PCDH15: variants seen among roughly 807,000 people sequenced by gnomAD.
The protein encoded by PCDH15 is protocadherin-15.
Under a neutral mutation model 178.5 loss-of-function variants are expected in PCDH15, and 129 were observed. The ratio of observed to expected loss-of-function variants is 0.72; its 90% CI spans 0.63 to 0.84. PCDH15 has a LOEUF of 0.84. Ranked by LOEUF, PCDH15 falls within the 40% of genes least tolerant of loss-of-function variation. The pLI is 0.00. For synonymous variants in PCDH15, 800 were observed against 732.0 expected (o/e 1.09, Z -1.50); for missense variants, 2,230 against 2,099.9 (o/e 1.06, Z -1.21).
In PCDH15 at chr10:53,965,689, AT is replaced by A. The variant is rs1205730668; in HGVS notation, c.2869-3798del. On this transcript the variant is annotated intron_variant, in intron 21 of 37. Transcript: ENST00000644397. ...TCACCTCCAGAACAGGAGGTCAATG[AT>A]GAAAGAGGATAATTATAGCACCAAC... is the stretch of plus-strand genomic sequence containing the variant. 2.0e-5 allele frequency among the ~76,000 whole-genome samples: 3 copies of A among 152,342 alleles called. No individual in the cohort carries two copies. The East Asian group carries it at 5.8e-4, about 29-fold the overall frequency.
chr10:54,416,812 C>T (rs1365249921), intron 3 of PCDH15, among the ~76,000 whole-genome samples: 2 of 152,136 alleles, frequency 1.3e-5, no homozygotes, highest in African/African-American at 4.8e-5. Context: ...TTAATAGTCG[C>T]TATTCTGACT....
chr10:54,704,150 C>A (rs563889487), intron 1 of PCDH15, among the ~76,000 whole-genome samples: 2 of 151,996 alleles, frequency 1.3e-5, no homozygotes, highest in Non-Finnish European at 2.9e-5. Context: ...ACTTTAGAAA[C>A]CCTAGAAGAT....
chr10:53,806,293 C>CTTGT lies in PCDH15; in HGVS notation c.*282_*285dup. 3.6e-6 allele frequency: 1 copy of CTTGT among 281,138 alleles called. No homozygotes were observed. The highest frequency in any genetic ancestry group is 6.6e-6 in the Non-Finnish European group (1 of 151,090). 17.4% of individuals were successfully genotyped at this position (281,138 alleles called of 1,614,324 possible). ...ATAAATGATTATTTAGTAATTATTT[C>CTTGT]TTGTTTATTAAAATGAACAAAAATT... On this transcript the variant is annotated 3_prime_UTR_variant, in exon 38 of 38. Transcript: ENST00000644397.
At chr10:54,714,095 G>A (rs574313833) in intron 1 of PCDH15, among the ~76,000 whole-genome samples, 3 of 152,050 alleles carry the variant, frequency 2.0e-5, no homozygotes, top group South Asian at 2.1e-4. Flanking sequence ...TTTATTCTTC[G>A]GTTATATTTT....
At chr10:55,569,289 C>T (rs1384896275) in intron 2 of PCDH15, among the ~76,000 whole-genome samples, 1 of 151,906 alleles carries the variant, frequency 6.6e-6, no homozygotes, top group Non-Finnish European at 1.5e-5. Flanking sequence ...TCAAAAGTAT[C>T]AAACAAGATG....
At chr10:54,237,538 ATGTCCAGTACTATTTTGT>A (rs2068085329) in intron 8 of PCDH15, among the ~76,000 whole-genome samples, 2 of 152,198 alleles carry the variant, frequency 1.3e-5, no homozygotes, top group South Asian at 4.1e-4. Context: ...TCCCAATTTA[ATGTCCAGTACTATTTTGT>A]TGTGCTATCA....
Position 53,910,764 on chromosome 10 carries a change from T to TA in PCDH15, c.3374-7395dup, listed in dbSNP as rs572599337. 1.1e-4 allele frequency among the ~76,000 whole-genome samples: 17 copies of TA among 152,026 alleles called. No individual in the cohort carries two copies. The South Asian group carries it at 2.5e-3, about 22-fold the overall frequency. ...GCCATCACAAGGAAGCTAAAAACCT[T>TA]AAAAAAAGATTAGACGAATGGCTAA... On this transcript the variant is annotated intron_variant, in intron 25 of 37. Coordinates refer to ENST00000644397, the MANE Select transcript of PCDH15 (RefSeq NM_001384140.1).
intron 2 of PCDH15, among the ~76,000 whole-genome samples, chr10:55,449,375 T>G (rs1839384798): frequency 1.3e-5 from 2 of 152,102 alleles, no homozygotes; most frequent in South Asian, 2.1e-4. Context: ...TGGACAGAAT[T>G]TAACATAACA....
chr10:54,911,128 T>C (rs910576531), intron 2 of PCDH15, among the ~76,000 whole-genome samples: 2 of 152,198 alleles, frequency 1.3e-5, no homozygotes, highest in African/African-American at 4.8e-5. Flanking sequence ...CACTCTTAGT[T>C]TTTCTGGCAG....
intron 27 of PCDH15, among the ~76,000 whole-genome samples, chr10:53,858,347 T>G (rs969003329): frequency 1.3e-5 from 2 of 152,058 alleles, no homozygotes; most frequent in African/African-American, 2.4e-5. Context: ...CTCAAATGCC[T>G]TCAGGAACCA....
At chr10:54,497,448 T>G (rs1211075211) in intron 3 of PCDH15, among the ~76,000 whole-genome samples, 1 of 152,160 alleles carries the variant, frequency 6.6e-6, no homozygotes. Flanking sequence ...CTCATGCAGA[T>G]TGAAATGGCT....
intron 14 of PCDH15, among the ~76,000 whole-genome samples, chr10:54,144,783 T>A (rs968013777): frequency 4.6e-5 from 7 of 152,020 alleles, no homozygotes; most frequent in Admixed American, 6.6e-5. Context: ...AGTCTCATTT[T>A]ACAAAAGAGG....
At chr10:55,190,554 T>G (rs1839920948) in intron 1 of PCDH15, among the ~76,000 whole-genome samples, 1 of 151,726 alleles carries the variant, frequency 6.6e-6, no homozygotes, top group Admixed American at 6.6e-5. Context: ...CCCAATTACA[T>G]TTAGATAAAA....
chr10:53,975,013 T>C (rs2090072117), intron 21 of PCDH15, among the ~76,000 whole-genome samples: 1 of 152,232 alleles, frequency 6.6e-6, no homozygotes, highest in African/African-American at 2.4e-5. Context: ...AGCTCCCACT[T>C]ATAAGTGAAA....
rs192794275 is a variant in PCDH15 at position 54,520,194 on chromosome 10, A to G, written c.157+7618T>C. ...TAAAACACCAAAAGCAATGGCAACA[A>G]AAGCCAAAATTGACAAATAGGATCT... On this transcript the variant is annotated intron_variant, in intron 3 of 37. Coordinates refer to ENST00000644397, the MANE Select transcript of PCDH15 (RefSeq NM_001384140.1). 5.9e-5 allele frequency among the ~76,000 whole-genome samples: 9 copies of G among 152,338 alleles called. No homozygotes were observed. The East Asian group carries it at 7.7e-4, about 13-fold the overall frequency.
chr10:54,310,182 T>G (rs1297583445), intron 8 of PCDH15, among the ~76,000 whole-genome samples: 1 of 152,066 alleles, frequency 6.6e-6, no homozygotes, highest in Admixed American at 6.6e-5. Flanking sequence ...ATAAGTTACT[T>G]TGAATGATAA....
intron 18 of PCDH15, among the ~76,000 whole-genome samples, chr10:54,057,509 C>T (rs1293603633): frequency 6.6e-6 from 1 of 152,206 alleles, no homozygotes; most frequent in African/African-American, 2.4e-5. Flanking sequence ...TTAGCCATGG[C>T]TAGAGTGGCT....
intron 1 of PCDH15, among the ~76,000 whole-genome samples, chr10:55,205,999 A>C (rs925004133): frequency 6.6e-6 from 1 of 151,958 alleles, no homozygotes; most frequent in Non-Finnish European, 1.5e-5. Context: ...TCACGAGAAC[A>C]GCATGAGAAA....
At chr10:54,030,198 G>C (rs2093252621) in intron 18 of PCDH15, among the ~76,000 whole-genome samples, 1 of 151,998 alleles carries the variant, frequency 6.6e-6, no homozygotes, top group South Asian at 2.1e-4. Context: ...TCTACCTTTT[G>C]CTTGTCCTTT....
Sources: gnomAD v4.1 joint callset for allele counts (sites outside exome capture counted in the v4.1 genomes callset) on GRCh38, gnomAD v4.1.1 for gene constraint, MANE v1.5 for transcripts, NCBI Gene and HGNC (gene_info 2026-07-23, HGNC 2026-07-21) for gene names.